Variants in MIER1 observed in about 807,000 individuals in gnomAD.
MIER1 encodes mesoderm induction early response protein 1.
In MIER1, 40 loss-of-function variants were observed where a neutral mutation model predicts 75.7. The observed-to-expected ratio is 0.53, with a 90% CI of 0.41 to 0.69. The LOEUF (loss-of-function observed/expected upper bound fraction) is 0.69, where lower values mean the gene tolerates loss of function less well. Among genes scored for constraint, MIER1 ranks in the 30% least tolerant of loss-of-function variants. The pLI, the probability that MIER1 is intolerant of heterozygous loss-of-function variation, is 0.00. For synonymous variants in MIER1, 213 were observed against 223.4 expected (o/e 0.95, Z 0.42); for missense variants, 574 against 680.2 (o/e 0.84, Z 1.74).
chr1:66,932,051 T>C (rs1317161595), intron 2 of MIER1, among the ~76,000 whole-genome samples: 3 of 152,096 alleles, frequency 2.0e-5, no homozygotes, highest in Non-Finnish European at 4.4e-5. Context: ...ATTTAAAATT[T>C]CTGTGTTTTT....
intron 1 of MIER1, 76 bp downstream of exon 1, chr1:66,925,171 T>TA: frequency 6.7e-7 from 1 of 1,494,180 alleles, no homozygotes; most frequent in Non-Finnish European, 8.9e-7. Context: ...GTGTCCTCAG[T>TA]CCCCTTTCTC....
At chr1:66,976,843 C>G (rs574836242) in intron 12 of MIER1, 121 bp downstream of exon 12, 2 of 780,332 alleles carry the variant, frequency 2.6e-6, no homozygotes, top group East Asian at 6.1e-5. Flanking sequence ...AACCAGAAGG[C>G]CGAGAGTGAT....
At chr1:66,971,134 G>A (rs1663513894) in intron 9 of MIER1, among the ~76,000 whole-genome samples, 175 bp downstream of exon 9, 1 of 152,068 alleles carries the variant, frequency 6.6e-6, no homozygotes, top group South Asian at 2.1e-4. Context: ...TCATTGGTGT[G>A]AAGCTCAAAA....
At chr1:66,971,868 A>G (rs1663673280) in intron 10 of MIER1, 132 bp downstream of exon 10, 1 of 510,268 alleles carries the variant, frequency 2.0e-6, no homozygotes, top group Non-Finnish European at 3.5e-6. Flanking sequence ...CAAAATACCA[A>G]GTATTACTAA....
chr1:66,938,537 A>G (rs1432191740), intron 2 of MIER1, among the ~76,000 whole-genome samples: 1 of 152,158 alleles, frequency 6.6e-6, no homozygotes, highest in Non-Finnish European at 1.5e-5. Context: ...ACTATGTAAT[A>G]ATTTGTGTGG....
chr1:66,958,081 A>T lies in MIER1; in HGVS notation c.362A>T (p.Glu121Val). 1 of 1,590,442 alleles carries T rather than the reference A, an allele frequency of 6.3e-7. No individual in the cohort carries two copies. The highest frequency in any genetic ancestry group is 1.7e-5 in the Admixed American group (1 of 57,280). ...LAREGDMPIH[E>V]LLSLYGYGST... Reference sequence around the variant, plus strand: ...TAGGAAGGCGACATGCCAATTCATGAACTTCTCAGCCTTTATGGTTATGGT... The same window carrying T: ...TAGGAAGGCGACATGCCAATTCATGTACTTCTCAGCCTTTATGGTTATGGT... The change falls in exon 5 of 14, where the codon GAA becomes GTA. Residue 121 changes from glutamate to valine, a missense_variant. Coordinates refer to ENST00000401041, the MANE Select transcript of MIER1 (RefSeq NM_001077700.3).
chr1:66,955,723 A>C (rs888594145), intron 4 of MIER1, among the ~76,000 whole-genome samples: 2 of 152,196 alleles, frequency 1.3e-5, no homozygotes, highest in Non-Finnish European at 2.9e-5. Context: ...AGGCCTATGT[A>C]AATTTCAGTT....
intron 2 of MIER1, among the ~76,000 whole-genome samples, chr1:66,936,308 C>T (rs774482851): frequency 2.6e-5 from 4 of 151,724 alleles, no homozygotes; most frequent in African/African-American, 9.7e-5. Context: ...CTGCAACCTC[C>T]GCCTCCTGGG....
At chr1:66,937,421 T>TTA (rs1457170215) in intron 2 of MIER1, among the ~76,000 whole-genome samples, 2 of 151,924 alleles carry the variant, frequency 1.3e-5, no homozygotes, top group Admixed American at 1.3e-4. Context: ...ACCGTCTCTA[T>TTA]TAAAAACACA....
At position 66,958,841 on chromosome 1, in the gene MIER1, T is replaced by A. The variant is rs763377009; in HGVS notation, c.502-10T>A. Reference sequence around the variant, plus strand: ...TACATCTTAGAGAAATTTAATTTATTATTCCACAGGAGGAGAATATAAAGG... The same window carrying A: ...TACATCTTAGAGAAATTTAATTTATAATTCCACAGGAGGAGAATATAAAGG... On this transcript the variant is annotated splice_polypyrimidine_tract_variant and intron_variant, in intron 5 of 13. Coordinates refer to ENST00000401041, the MANE Select transcript of MIER1 (RefSeq NM_001077700.3). 1 of 1,588,688 alleles carries A rather than the reference T, an allele frequency of 6.3e-7. No individual in the cohort carries two copies. The highest frequency in any genetic ancestry group is 8.6e-7 in the Non-Finnish European group (1 of 1,165,420).
At chr1:66,949,322 C>CACAG (rs1658389618) in intron 4 of MIER1, among the ~76,000 whole-genome samples, 2 of 152,090 alleles carry the variant, frequency 1.3e-5, no homozygotes, top group African/African-American at 4.8e-5. Flanking sequence ...TAGAAAATTA[C>CACAG]TAATGGGCTG....
intron 8 of MIER1, among the ~76,000 whole-genome samples, chr1:66,965,979 A>G (rs190925885): frequency 3.3e-4 from 50 of 152,234 alleles, no homozygotes; most frequent in Non-Finnish European, 7.1e-4. Context: ...TGTTATTGCA[A>G]ATGACTGGAT....
intron 13 of MIER1, among the ~76,000 whole-genome samples, chr1:66,982,438 A>C (rs945069452): frequency 6.6e-6 from 1 of 152,214 alleles, no homozygotes; most frequent in Non-Finnish European, 1.5e-5. Context: ...TCCAAGAAAA[A>C]GAGAAGAAAA....
At chr1:66,950,477 T>A (rs955947529) in intron 4 of MIER1, among the ~76,000 whole-genome samples, 4 of 152,184 alleles carry the variant, frequency 2.6e-5, no homozygotes, top group African/African-American at 7.2e-5. Context: ...ATGAACTCTT[T>A]AAACTCAGAG....
rs373071005 is a variant in MIER1, at chr1:66,957,405, ATGCTTAACC to A, written c.340-651_340-643del. 3.6e-3 allele frequency among the ~76,000 whole-genome samples: 544 copies of A among 152,290 alleles called. 2 individuals carry two copies. Among genetic ancestry groups the A allele is most frequent in the African/African-American group, 0.013 (529 of 41,550 alleles). On this transcript the variant is annotated intron_variant, in intron 4 of 13. Transcript: ENST00000401041. The stretch of plus-strand genomic sequence containing the variant: ...TGTAACTTGTGTGATTTGTGAAGAA[ATGCTTAACC>A]TGTCAGCCTCTGTTTTCGCATCTAT...
At chr1:66,938,054 G>A (rs1370189832) in intron 2 of MIER1, among the ~76,000 whole-genome samples, 3 of 152,150 alleles carry the variant, frequency 2.0e-5, no homozygotes, top group African/African-American at 7.2e-5. Context: ...TGAACACTGG[G>A]TGTTCTACTC....
chr1:66,948,798 C>G (rs1658250419), intron 4 of MIER1, among the ~76,000 whole-genome samples: 1 of 152,136 alleles, frequency 6.6e-6, no homozygotes. Flanking sequence ...CTTCATGAGG[C>G]TCAGGTGGGA....
chr1:66,985,191 G>A lies in MIER1; in HGVS notation c.*291G>A, dbSNP rs1198185180. 1 of 982,152 alleles carries A rather than the reference G, an allele frequency of 1.0e-6. No individual in the cohort carries two copies. The allele number at this position is 982,152 out of a possible 1,614,324, so 60.8% of individuals were successfully genotyped here. ...AGTTCATTCAGATTTACTAATTTTG[G>A]TAAATCTGAATGAACTAAAGATGTA... On this transcript the variant is annotated 3_prime_UTR_variant, in exon 14 of 14. Transcript: ENST00000401041.
Position 66,937,335 on chromosome 1 carries a change from C to G in MIER1, c.169-2693C>G, listed in dbSNP as rs3008866. On this transcript the variant is annotated intron_variant, in intron 2 of 13. Coordinates refer to ENST00000401041, the MANE Select transcript of MIER1 (RefSeq NM_001077700.3). ...GCATGGTGGCTCATGCCTGTAATCC[C>G]GGCACTTTTGGGAGGCCAAAGCAGG... 4.4e-3 allele frequency among the ~76,000 whole-genome samples: 674 copies of G among 152,220 alleles called. 5 individuals are homozygous for G. Among genetic ancestry groups the G allele is most frequent in the African/African-American group, 0.016 (644 of 41,512 alleles).
Sources: gnomAD v4.1 joint callset for allele counts (sites outside exome capture counted in the v4.1 genomes callset) on GRCh38, gnomAD v4.1.1 for gene constraint, MANE v1.5 for transcripts, NCBI Gene and HGNC (gene_info 2026-07-23, HGNC 2026-07-21) for gene names.